The following SCN9A variants were observed in gnomAD, a reference collection of about 807,000 sequenced individuals.
SCN9A encodes sodium channel protein type 9 subunit alpha.
A neutral mutation model predicts 187.0 loss-of-function variants in SCN9A; 131 were observed. The observed-to-expected ratio is 0.70, with a 90% CI of 0.61 to 0.81. The LOEUF is 0.81. Among genes scored for constraint, SCN9A ranks in the 30% least tolerant of loss-of-function variants. The pLI, the probability that SCN9A is intolerant of heterozygous loss-of-function variation, is 0.00. For synonymous variants in SCN9A, 809 were observed against 808.6 expected (o/e 1.00, Z -0.01); for missense variants, 2,252 against 2,396.6 (o/e 0.94, Z 1.26).
intron 17 of SCN9A, among the ~76,000 whole-genome samples, chr2:166,261,718 A>C (rs73021659): frequency 0.031 from 4,740 of 151,980 alleles, 257 homozygotes; most frequent in African/African-American, 0.11. Context: ...CACACACACA[A>C]AAAAATAGGG....
intron 14 of SCN9A, among the ~76,000 whole-genome samples, chr2:166,279,156 C>T (rs985925730): frequency 6.6e-6 from 1 of 152,038 alleles, no homozygotes; most frequent in African/African-American, 2.4e-5. Context: ...GGATCTCCAC[C>T]AACAATTAGA....
chr2:166,204,505 A>C, intron 24 of SCN9A, 41 bp from the exon 25 acceptor site: 1 of 1,261,532 alleles, frequency 7.9e-7, no homozygotes, highest in Non-Finnish European at 1.1e-6. Context: ...TAAAACCAGA[A>C]TCATTGTCTA....
At chr2:166,220,694 T>C (rs57631328) in intron 24 of SCN9A, among the ~76,000 whole-genome samples, 13,852 of 152,114 alleles carry the variant, frequency 0.091, 692 homozygotes, top group African/African-American at 0.12. Flanking sequence ...TACTTGAAAA[T>C]CCCACAGCTA....
chr2:166,219,713 A>G (rs1694499039), intron 24 of SCN9A, among the ~76,000 whole-genome samples: 1 of 152,164 alleles, frequency 6.6e-6, no homozygotes, highest in Admixed American at 6.5e-5. Context: ...CTGTACATGT[A>G]CCCCTGAACT....
intron 24 of SCN9A, among the ~76,000 whole-genome samples, chr2:166,212,727 T>C (rs1216841115): frequency 6.6e-6 from 1 of 152,162 alleles, no homozygotes; most frequent in Non-Finnish European, 1.5e-5. Flanking sequence ...ATAGATCACA[T>C]ATCAGGTCAT....
At chr2:166,320,074 T>C (rs1213900419) in intron 1 of SCN9A, among the ~76,000 whole-genome samples, 4 of 152,088 alleles carry the variant, frequency 2.6e-5, no homozygotes, top group Admixed American at 1.3e-4. Flanking sequence ...TTAGAAAACA[T>C]TACATAAGTT....
rs201362859 is a variant in SCN9A at position 166,195,571 on chromosome 2, C to T, written c.*3101G>A. On this transcript the variant is annotated 3_prime_UTR_variant, in exon 27 of 27. Coordinates refer to ENST00000642356, the MANE Select transcript of SCN9A (RefSeq NM_001365536.1). ...TTTAGAACTGCTTTATTTACATATG[C>T]ATTTTATTTTCACTCTTTTTAATAA... 5.3e-5 allele frequency: 8 copies of T among 152,104 alleles called. No homozygotes were observed. The highest frequency in any genetic ancestry group is 1.2e-4 in the Non-Finnish European group (8 of 68,026). The allele number at this position is 152,104 out of a possible 1,614,324, so 9.4% of individuals were successfully genotyped here.
At chr2:166,340,077 C>T (rs929683506) in intron 1 of SCN9A, among the ~76,000 whole-genome samples, 3 of 152,196 alleles carry the variant, frequency 2.0e-5, no homozygotes, top group African/African-American at 7.2e-5. Context: ...TACAGTATTA[C>T]AGCTTGAAAA....
chr2:166,245,390 G>A (rs1005616461), intron 18 of SCN9A, among the ~76,000 whole-genome samples: 3 of 151,836 alleles, frequency 2.0e-5, no homozygotes, highest in Non-Finnish European at 2.9e-5. Context: ...ACATCACTAG[G>A]ACAGGTAGAG....
chr2:166,249,700 A>C (rs1695951742), intron 18 of SCN9A, among the ~76,000 whole-genome samples: 1 of 152,166 alleles, frequency 6.6e-6, no homozygotes, highest in Non-Finnish European at 1.5e-5. Context: ...AGGATTAAAA[A>C]AACTTTGTAT....
At chr2:166,245,995 G>A (rs1695771097) in intron 18 of SCN9A, among the ~76,000 whole-genome samples, 1 of 151,870 alleles carries the variant, frequency 6.6e-6, no homozygotes, top group South Asian at 2.1e-4. Flanking sequence ...TTAATTTCCA[G>A]CTCTATAGAA....
At chr2:166,222,924 C>T (rs1331572310) in intron 24 of SCN9A, among the ~76,000 whole-genome samples, 1 of 90,544 alleles carries the variant, frequency 1.1e-5, no homozygotes, top group Non-Finnish European at 2.0e-5. Flanking sequence ...GAGCGAAACT[C>T]CGTCTCAAAA....
At chr2:166,327,465 T>A (rs1256381533) in intron 1 of SCN9A, among the ~76,000 whole-genome samples, 1 of 152,196 alleles carries the variant, frequency 6.6e-6, no homozygotes, top group Non-Finnish European at 1.5e-5. Flanking sequence ...CACAATTTTT[T>A]AAATTGCCAA....
intron 18 of SCN9A, among the ~76,000 whole-genome samples, chr2:166,245,098 CACTG>C (rs1558979087): frequency 6.6e-6 from 1 of 151,942 alleles, no homozygotes; most frequent in Non-Finnish European, 1.5e-5. Context: ...TTTTTTATTT[CACTG>C]ACTAACATAA....
chr2:166,331,090 A>C (rs1198195931), intron 1 of SCN9A, among the ~76,000 whole-genome samples: 1 of 152,204 alleles, frequency 6.6e-6, no homozygotes, highest in Admixed American at 6.5e-5. Context: ...AAATTAAATA[A>C]GTTGTCTCTG....
At chr2:166,303,356 C>CA (rs1698643260) in intron 6 of SCN9A, 54 bp from the exon 7 acceptor site, 3 of 1,358,000 alleles carry the variant, frequency 2.2e-6, no homozygotes, top group East Asian at 4.6e-5. Context: ...TGAATCGAAA[C>CA]AAAAAACACA....
At chr2:166,373,255 T>C (rs1049293167) in intron 1 of SCN9A, among the ~76,000 whole-genome samples, 5 of 151,954 alleles carry the variant, frequency 3.3e-5, no homozygotes, top group African/African-American at 1.2e-4. Flanking sequence ...TTTACTGTTG[T>C]TGCTAATTGG....
At chr2:166,338,664 A>C (rs6728894) in intron 1 of SCN9A, among the ~76,000 whole-genome samples, 2,175 of 151,548 alleles carry the variant, frequency 0.014, 20 homozygotes, top group African/African-American at 0.022. Context: ...AAATTACATC[A>C]TTTTTTATTG....
intron 11 of SCN9A, among the ~76,000 whole-genome samples, chr2:166,285,641 T>G (rs6722511): frequency 1.3e-5 from 2 of 151,640 alleles, no homozygotes; most frequent in Non-Finnish European, 2.9e-5. Flanking sequence ...ATCAGGAGAA[T>G]CTTGTAGATT....
Sources: gnomAD v4.1 joint callset for allele counts (sites outside exome capture counted in the v4.1 genomes callset) on GRCh38, gnomAD v4.1.1 for gene constraint, MANE v1.5 for transcripts, NCBI Gene and HGNC (gene_info 2026-07-23, HGNC 2026-07-21) for gene names.